KSR2: variants seen among roughly 807,000 people sequenced by gnomAD.
KSR2 encodes kinase suppressor of ras 2.
KSR2 carries 25 observed loss-of-function variants against 107.8 expected under a neutral mutation model. That is an observed-to-expected ratio of 0.23 (90% confidence interval 0.17 to 0.32). The LOEUF is 0.32. Ranked by LOEUF, KSR2 falls within the 10% of genes least tolerant of loss-of-function variation. The probability of loss-of-function intolerance (pLI) is 1.00; values close to 1 mark genes in which losing one functional copy is unlikely to be tolerated. For missense variants in KSR2, 887 were observed against 1,268.9 expected, an observed-to-expected ratio of 0.70 and a Z score of 4.57; for synonymous variants, 480 against 507.0, an observed-to-expected ratio of 0.95 and a Z score of 0.71.
intron 4 of KSR2, among the ~76,000 whole-genome samples, chr12:117,710,652 G>A (rs1593156463): frequency 6.6e-6 from 1 of 152,062 alleles, no homozygotes; most frequent in African/African-American, 2.4e-5. Flanking sequence ...TTTCTTCATC[G>A]GTGCCTTGAG....
chr12:117,664,269 T>C (rs1884558428), intron 5 of KSR2, among the ~76,000 whole-genome samples: 1 of 152,154 alleles, frequency 6.6e-6, no homozygotes, highest in Non-Finnish European at 1.5e-5. Context: ...TTGGCCACAC[T>C]ACAGCCAGAT....
intron 1 of KSR2, among the ~76,000 whole-genome samples, chr12:117,871,114 T>C (rs1893637286): frequency 6.6e-6 from 1 of 152,254 alleles, no homozygotes; most frequent in Non-Finnish European, 1.5e-5. Context: ...TTATGAATTA[T>C]CTTCTTTAAT....
At chr12:117,510,566 C>T (rs1178080677) in intron 14 of KSR2, among the ~76,000 whole-genome samples, 2 of 152,162 alleles carry the variant, frequency 1.3e-5, no homozygotes, top group African/African-American at 2.4e-5. Context: ...CCCTGTGATA[C>T]AGTGCTAGCA....
chr12:117,701,111 A>T (rs1886289832), intron 4 of KSR2, among the ~76,000 whole-genome samples: 1 of 152,186 alleles, frequency 6.6e-6, no homozygotes, highest in Non-Finnish European at 1.5e-5. Flanking sequence ...TTATTGAGAC[A>T]GAGTCTCGCT....
chr12:117,601,521 G>A (rs1880955273), intron 5 of KSR2, among the ~76,000 whole-genome samples: 1 of 152,120 alleles, frequency 6.6e-6, no homozygotes, highest in African/African-American at 2.4e-5. Context: ...CGGGAACACA[G>A]ATAGGGAGAA....
At chr12:117,761,848 A>G (rs73400768) in intron 3 of KSR2, among the ~76,000 whole-genome samples, 3,331 of 152,284 alleles carry the variant, frequency 0.022, 129 homozygotes, top group African/African-American at 0.075. Flanking sequence ...TTATATGCAC[A>G]TATCATATGC....
intron 5 of KSR2, among the ~76,000 whole-genome samples, chr12:117,601,436 C>T (rs796499589): frequency 6.6e-5 from 10 of 152,184 alleles, no homozygotes; most frequent in African/African-American, 2.4e-4. Context: ...ATCCTGGGTT[C>T]GTGTGGGCCC....
intron 4 of KSR2, among the ~76,000 whole-genome samples, chr12:117,742,507 AATGGATGGATGGATGGATGGATGGGTGG>A (rs1888255326): frequency 7.5e-6 from 1 of 133,882 alleles, no homozygotes; most frequent in African/African-American, 2.8e-5. Context: ...GGATGGATAA[AATGGATGGATGGATGGATGGATGGGTGG>A]ATGGATGGAT....
chr12:117,716,046 C>T (rs1264749793), intron 4 of KSR2, among the ~76,000 whole-genome samples: 1 of 152,200 alleles, frequency 6.6e-6, no homozygotes, highest in Non-Finnish European at 1.5e-5. Context: ...GAGAGGTCTT[C>T]ATGATCACTG....
intron 4 of KSR2, among the ~76,000 whole-genome samples, chr12:117,710,345 A>G (rs1421640347): frequency 1.3e-5 from 2 of 152,228 alleles, no homozygotes; most frequent in African/African-American, 4.8e-5. Context: ...GGAAAGTTTC[A>G]GAGCATTTGG....
intron 1 of KSR2, among the ~76,000 whole-genome samples, chr12:117,876,160 C>T (rs550399276): frequency 6.6e-6 from 1 of 152,194 alleles, no homozygotes; most frequent in Non-Finnish European, 1.5e-5. Context: ...CCAGCAGCCC[C>T]GACGCCTTCC....
intron 3 of KSR2, among the ~76,000 whole-genome samples, chr12:117,832,444 A>G (rs1042430898): frequency 6.6e-6 from 1 of 152,222 alleles, no homozygotes; most frequent in Non-Finnish European, 1.5e-5. Context: ...GTCATCAACA[A>G]AAGTAGCAAT....
chr12:117,966,669 T>TCTCC (rs1298270910), intron 1 of KSR2, among the ~76,000 whole-genome samples: 2 of 147,994 alleles, frequency 1.4e-5, no homozygotes, highest in Non-Finnish European at 3.0e-5. Context: ...TCTTTCTCTC[T>TCTCC]CTCCCTCCCT....
intron 4 of KSR2, among the ~76,000 whole-genome samples, chr12:117,715,267 C>G (rs1201723303): frequency 6.6e-6 from 1 of 152,158 alleles, no homozygotes; most frequent in Non-Finnish European, 1.5e-5. Context: ...AGTCGACCCA[C>G]CCGGGGATCC....
chr12:117,687,644 G>A (rs999571728), intron 4 of KSR2, among the ~76,000 whole-genome samples: 4 of 152,190 alleles, frequency 2.6e-5, no homozygotes, highest in East Asian at 1.9e-4. Context: ...TTTTGTGACC[G>A]TCTAGCATTC....
intron 14 of KSR2, among the ~76,000 whole-genome samples, chr12:117,509,024 AG>A (rs1368908475): frequency 3.3e-5 from 5 of 151,076 alleles, no homozygotes; most frequent in African/African-American, 1.2e-4. Flanking sequence ...GGGACAGGTA[AG>A]GGGTCTGGGG....
rs56143626 is a variant in KSR2 at position 117,539,801 on chromosome 12, G to T, written c.1605C>A (p.Pro535=). 2.9e-5 allele frequency: 46 copies of T among 1,608,286 alleles called. No homozygotes were observed. The Admixed American group carries it at 4.9e-4, about 17-fold the overall frequency. ...TSSTPSSPAP[P]LPPSATPPSP... ...AAGGCGGCGTGGCACTAGGAGGGAG[G>T]GGGGGTGCTGGCGAGGAGGGCGTGG... Residue 535 remains proline (P), a synonymous_variant, in exon 10 of 20, where the codon CCC becomes CCA. Coordinates refer to ENST00000339824, the MANE Select transcript of KSR2 (RefSeq NM_173598.6).
At chr12:117,886,014 T>G (rs757418252) in intron 1 of KSR2, among the ~76,000 whole-genome samples, 1 of 151,898 alleles carries the variant, frequency 6.6e-6, no homozygotes, top group South Asian at 2.1e-4. Flanking sequence ...GAGAATGGCA[T>G]TAATCTGGGA....
chr12:117,649,779 GA>G (rs925675029), intron 5 of KSR2, among the ~76,000 whole-genome samples: 3 of 152,046 alleles, frequency 2.0e-5, no homozygotes, highest in Non-Finnish European at 4.4e-5. Context: ...GGGGATGGGA[GA>G]AAAAAGAAAC....
Sources: gnomAD v4.1 joint callset for allele counts (sites outside exome capture counted in the v4.1 genomes callset) on GRCh38, gnomAD v4.1.1 for gene constraint, MANE v1.5 for transcripts, NCBI Gene and HGNC (gene_info 2026-07-23, HGNC 2026-07-21) for gene names.